Variants in PEX5L observed in about 807,000 individuals in gnomAD.
PEX5L encodes the protein PEX5-related protein.
In PEX5L, 30 loss-of-function variants were observed where a neutral mutation model predicts 84.0. That is an observed-to-expected ratio of 0.36 (90% confidence interval 0.27 to 0.48). The LOEUF is 0.48. Among genes scored for constraint, PEX5L ranks in the 20% least tolerant of loss-of-function variants. PEX5L has a pLI of 0.99. For missense variants in PEX5L, 533 were observed against 754.6 expected (o/e 0.71, Z 3.44); for synonymous variants, 270 against 283.1 (o/e 0.95, Z 0.46).
At chr3:179,957,235 C>T (rs1420120146) in intron 2 of PEX5L, among the ~76,000 whole-genome samples, 1 of 152,172 alleles carries the variant, frequency 6.6e-6, no homozygotes, top group Non-Finnish European at 1.5e-5. Flanking sequence ...ATGGGTGATA[C>T]TTTCTCTCTT....
intron 10 of PEX5L, among the ~76,000 whole-genome samples, chr3:179,814,536 T>C (rs1002658000): frequency 5.9e-5 from 9 of 152,210 alleles, no homozygotes; most frequent in African/African-American, 1.4e-4. Context: ...CCAGTATATA[T>C]ACCGGTCGCT....
At chr3:179,874,743 T>TTTTTTTTG in intron 6 of PEX5L, among the ~76,000 whole-genome samples, 1 of 130,854 alleles carries the variant, frequency 7.6e-6, no homozygotes, top group South Asian at 2.8e-4. Context: ...TTTTTGTTTT[T>TTTTTTTTG]TTTTTTTTTT....
intron 2 of PEX5L, among the ~76,000 whole-genome samples, chr3:179,943,764 A>C (rs1200329293): frequency 3.9e-5 from 6 of 152,250 alleles, no homozygotes; most frequent in Non-Finnish European, 7.3e-5. Context: ...TGCTCAAGTC[A>C]GACAAAGGTC....
intron 7 of PEX5L, among the ~76,000 whole-genome samples, chr3:179,863,030 C>A (rs897549963): frequency 6.6e-6 from 1 of 152,112 alleles, no homozygotes; most frequent in Non-Finnish European, 1.5e-5. Flanking sequence ...CAGAAGTAAA[C>A]CCATGCATTT....
Position 179,971,598 on chromosome 3 carries a change from T to A in PEX5L, c.89A>T (p.Lys30Met). The A allele has an allele frequency of 1.2e-6, 2 of 1,607,422 alleles. No homozygotes were observed. The highest frequency in any genetic ancestry group is 1.1e-5 in the South Asian group (1 of 89,602). ...DEDLEIIVDQ[K>M]QGKGSRAADK... ...TGTACGTAAGTATTCACTTACCTGCTTTTGATCAACAATTATTTCGAGGTC... is the reference window on the plus strand; with the variant it reads ...TGTACGTAAGTATTCACTTACCTGCATTTGATCAACAATTATTTCGAGGTC... Residue 30 changes from lysine to methionine, a missense_variant, in exon 2 of 15, where the codon AAG becomes ATG. By Grantham distance (95) the Lys-to-Met change is moderately conservative (BLOSUM62 -1). Transcript: ENST00000467460.
Position 179,795,876 on chromosome 3 carries a change from T to C in PEX5L, c.*5952A>G, listed in dbSNP as rs1286210544. On this transcript the variant is annotated 3_prime_UTR_variant, in exon 15 of 15. Coordinates refer to ENST00000467460, the MANE Select transcript of PEX5L (RefSeq NM_016559.3). ...GTAAAAAGTTTAATAAATTAATCAG[T>C]TTTTTTTCAACCAATGTAAACAAAT... 6.6e-6 allele frequency: 1 copy of C among 151,846 alleles called. No homozygotes were observed. The highest frequency in any genetic ancestry group is 1.5e-5 in the Non-Finnish European group (1 of 67,980). The allele number at this position is 151,846 out of a possible 1,614,324, so 9.4% of individuals were successfully genotyped here.
At chr3:179,819,219 C>A (rs1373165451) in intron 9 of PEX5L, among the ~76,000 whole-genome samples, 1 of 151,982 alleles carries the variant, frequency 6.6e-6, no homozygotes, top group East Asian at 1.9e-4. Flanking sequence ...CCTCAGTGTT[C>A]CCCCCAACCC....
intron 1 of PEX5L, among the ~76,000 whole-genome samples, chr3:179,974,576 T>C (rs1785512826): frequency 6.6e-6 from 1 of 152,216 alleles, no homozygotes; most frequent in African/African-American, 2.4e-5. Flanking sequence ...AGCTTTCAGC[T>C]CAGGATAACG....
intron 1 of PEX5L, among the ~76,000 whole-genome samples, chr3:179,980,060 A>G (rs1786176093): frequency 6.6e-6 from 1 of 152,186 alleles, no homozygotes; most frequent in African/African-American, 2.4e-5. Flanking sequence ...TTCTATAGGC[A>G]TTCTGTATCC....
intron 2 of PEX5L, among the ~76,000 whole-genome samples, chr3:179,926,467 C>T (rs1050642496): frequency 6.6e-6 from 1 of 152,194 alleles, no homozygotes; most frequent in African/African-American, 2.4e-5. Context: ...ACCAGAACTC[C>T]TCGGCCTCTT....
chr3:179,920,544 C>T (rs537282681), intron 2 of PEX5L, among the ~76,000 whole-genome samples: 2 of 152,108 alleles, frequency 1.3e-5, no homozygotes, highest in South Asian at 4.2e-4. Context: ...ACAGGTGAAC[C>T]TTACGTGTTT....
At chr3:179,953,750 A>G (rs913803881) in intron 2 of PEX5L, among the ~76,000 whole-genome samples, 26 of 152,274 alleles carry the variant, frequency 1.7e-4, no homozygotes, top group Non-Finnish European at 3.2e-4. Context: ...GTGATGTTAG[A>G]TAAGCTAACC....
intron 2 of PEX5L, among the ~76,000 whole-genome samples, chr3:179,940,491 C>T (rs1006492849): frequency 9.9e-5 from 15 of 152,002 alleles, no homozygotes; most frequent in Non-Finnish European, 2.9e-5. Flanking sequence ...CCCTTAGTTG[C>T]CACTATCAGG....
intron 1 of PEX5L, among the ~76,000 whole-genome samples, chr3:180,019,846 T>TC (rs1046234177): frequency 1.1e-4 from 16 of 152,146 alleles, no homozygotes; most frequent in Non-Finnish European, 1.6e-4. Flanking sequence ...CTGGATAATG[T>TC]CCCCCCTCAA....
At chr3:179,856,462 A>T (rs1743980440) in intron 8 of PEX5L, among the ~76,000 whole-genome samples, 1 of 152,222 alleles carries the variant, frequency 6.6e-6, no homozygotes, top group African/African-American at 2.4e-5. Context: ...TACAGATAAA[A>T]TATTGCAACT....
At chr3:179,984,238 C>T (rs1007276350) in intron 1 of PEX5L, among the ~76,000 whole-genome samples, 2 of 151,966 alleles carry the variant, frequency 1.3e-5, no homozygotes, top group African/African-American at 4.8e-5. Context: ...ATGGAAAAAT[C>T]TACTGCAAAA....
chr3:180,030,235 C>A (rs928234574), intron 1 of PEX5L, among the ~76,000 whole-genome samples: 4 of 152,156 alleles, frequency 2.6e-5, no homozygotes, highest in Non-Finnish European at 5.9e-5. Flanking sequence ...CACTGGGTTT[C>A]TCCACAAGGC....
At position 179,808,255 on chromosome 3, in the gene PEX5L, G is replaced by T; in HGVS notation, c.1518+17C>A. On this transcript the variant is annotated intron_variant, in intron 13 of 14. Transcript: ENST00000467460. ...ACAGAGAACGCTGTGGTTTCTTGCT[G>T]TGCTGTGCTGTCTTACCTCTGGCCG... The T allele has an allele frequency of 1.3e-6, 2 of 1,532,818 alleles. No individual in the cohort carries two copies. The highest frequency in any genetic ancestry group is 1.3e-5 in the South Asian group (1 of 77,712). The allele number at this position is 1,532,818 out of a possible 1,614,324, so 95.0% of individuals were successfully genotyped here.
chr3:180,001,197 A>G (rs9881655), intron 1 of PEX5L, among the ~76,000 whole-genome samples: 22,804 of 151,890 alleles, frequency 0.15, 2,232 homozygotes, highest in African/African-American at 0.28. Context: ...GCCCTTGAAC[A>G]TCGGACTCCA....
Sources: allele counts gnomAD v4.1 joint callset (sites outside exome capture counted in the v4.1 genomes callset), GRCh38; gene constraint gnomAD v4.1.1; transcripts MANE v1.5; gene names NCBI Gene and HGNC (gene_info 2026-07-23, HGNC 2026-07-21).